The following NUP205 variants were observed in gnomAD, a reference collection of about 807,000 sequenced individuals.
NUP205 encodes the protein nucleoporin 205.
In NUP205, 76 loss-of-function variants were observed where a neutral mutation model predicts 253.8. That is an observed-to-expected ratio of 0.30 (90% confidence interval 0.25 to 0.36). The LOEUF (loss-of-function observed/expected upper bound fraction) is 0.36, where lower values mean the gene tolerates loss of function less well. Ranked by LOEUF, NUP205 falls within the 10% of genes least tolerant of loss-of-function variation. NUP205 has a pLI of 1.00. For missense variants in NUP205, 2,162 were observed against 2,425.5 expected, an observed-to-expected ratio of 0.89 and a Z score of 2.28; for synonymous variants, 832 against 850.1, an observed-to-expected ratio of 0.98 and a Z score of 0.37.
intron 25 of NUP205, 80 bp downstream of exon 25, chr7:135,616,806 C>A: frequency 1.2e-6 from 1 of 820,406 alleles, no homozygotes; most frequent in Non-Finnish European, 1.8e-6. Context: ...ATTATTATGC[C>A]TGTGCCTCCA....
Position 135,643,205 on chromosome 7 carries a change from A to G in NUP205, c.5406A>G (p.Pro1802=). ...CACCTCTATTAGATACCCAAGCTCC[A>G]GTGGTTCCATACTGGCGCCTGCCTG... The part of the protein sequence containing the change: ...RDGPRQDTQA[P]VVPYWRLPGL... Residue 1802 remains proline (P), a synonymous_variant, in exon 39 of 43, where the codon CCA becomes CCG. Coordinates refer to ENST00000285968, the MANE Select transcript of NUP205 (RefSeq NM_015135.3). 2 of 1,614,022 alleles carry G rather than the reference A, an allele frequency of 1.2e-6. No homozygotes were observed. Among genetic ancestry groups the G allele is most frequent in the African/African-American group, 1.3e-5 (1 of 75,062 alleles).
intron 34 of NUP205, among the ~76,000 whole-genome samples, chr7:135,629,805 G>A (rs1307917741): frequency 1.3e-5 from 2 of 152,128 alleles, no homozygotes; most frequent in East Asian, 3.9e-4. Context: ...GATTACAGGC[G>A]TGAGCCACCA....
intron 13 of NUP205, among the ~76,000 whole-genome samples, chr7:135,596,182 C>T (rs1469045402): frequency 2.0e-5 from 3 of 152,208 alleles, no homozygotes; most frequent in Non-Finnish European, 2.9e-5. Context: ...GATCCGCCTG[C>T]CTTGGCCTCC....
intron 4 of NUP205, 74 bp downstream of exon 4, chr7:135,576,488 T>G (rs1393516144): frequency 7.5e-7 from 1 of 1,327,670 alleles, no homozygotes. Flanking sequence ...CCTTATTATA[T>G]ACAATCTGAG....
chr7:135,576,313 A>G lies in NUP205; in HGVS notation c.387A>G (p.Leu129=). The G allele has an allele frequency of 2.5e-6, 4 of 1,613,800 alleles. No homozygotes were observed. Among genetic ancestry groups the G allele is most frequent in the Non-Finnish European group, 3.4e-6 (4 of 1,179,740 alleles). ...QPHFPGLTRG[L]VAVLLYWDGK... is the part of the protein sequence containing the mutation. Reference sequence around the variant, plus strand: ...ATTTTCCTGGCCTTACCAGAGGATTAGTAGCTGTTCTTCTGTACTGGGATG... The same window carrying G: ...ATTTTCCTGGCCTTACCAGAGGATTGGTAGCTGTTCTTCTGTACTGGGATG... Residue 129 remains leucine (L), a synonymous_variant, in exon 4 of 43, where the codon TTA becomes TTG. Transcript: ENST00000285968.
At chr7:135,579,006 A>C in intron 7 of NUP205, 91 bp downstream of exon 7, 1 of 956,498 alleles carries the variant, frequency 1.0e-6, no homozygotes, top group South Asian at 1.9e-5. Context: ...GACATACATA[A>C]GCATAAGCAT....
At chr7:135,565,260 T>C (rs1397109428) in intron 1 of NUP205, among the ~76,000 whole-genome samples, 3 of 152,178 alleles carry the variant, frequency 2.0e-5, no homozygotes, top group African/African-American at 2.4e-5. Context: ...CAGCACTTTA[T>C]CAGATTTCTG....
At chr7:135,621,654 G>T (rs991162846) in intron 30 of NUP205, among the ~76,000 whole-genome samples, 4 of 152,104 alleles carry the variant, frequency 2.6e-5, no homozygotes, top group African/African-American at 9.7e-5. Flanking sequence ...CCTAATCATT[G>T]TATAATGGTT....
At chr7:135,636,580 C>T (rs1365026392) in intron 36 of NUP205, among the ~76,000 whole-genome samples, 1 of 152,012 alleles carries the variant, frequency 6.6e-6, no homozygotes, top group Non-Finnish European at 1.5e-5. Context: ...AGGTGAGCTT[C>T]GGAAATGTTT....
At chr7:135,592,437 C>T (rs1455713784) in intron 11 of NUP205, among the ~76,000 whole-genome samples, 1 of 152,256 alleles carries the variant, frequency 6.6e-6, no homozygotes, top group East Asian at 1.9e-4. Context: ...ATTACCTTTA[C>T]ATTTACATGG....
intron 34 of NUP205, among the ~76,000 whole-genome samples, chr7:135,628,435 A>G (rs948399604): frequency 6.6e-6 from 1 of 152,186 alleles, no homozygotes; most frequent in Non-Finnish European, 1.5e-5. Flanking sequence ...CCAGGTATCT[A>G]TTGAGAGAGG....
rs777717965 is a variant in NUP205 at position 135,635,656 on chromosome 7, A to G, written c.5135A>G (p.Gln1712Arg). 4 of 1,549,514 alleles carry G rather than the reference A, an allele frequency of 2.6e-6. No homozygotes were observed. The highest frequency in any genetic ancestry group is 1.8e-6 in the Non-Finnish European group (2 of 1,126,006). The part of the protein sequence containing the change: ...MELQGHIGRF[Q>R]RQCLGLLSRF... ...CTACAGGGACATATTGGAAGATTCCAGGTAACTGATTCTTATTTCTTTAAA... is the reference window on the plus strand; with the variant it reads ...CTACAGGGACATATTGGAAGATTCCGGGTAACTGATTCTTATTTCTTTAAA... The change falls in exon 36 of 43, where the codon CAG becomes CGG. Residue 1712 changes from glutamine to arginine, a missense_variant and splice_region_variant. Physicochemically the swap from Gln to Arg is conservative, Grantham distance 43. Around this residue, in one of 5 missense-constraint regions of NUP205, gnomAD observed 1,144 missense variants for 1,280.9 expected, o/e 0.89. Transcript: ENST00000285968.
intron 2 of NUP205, among the ~76,000 whole-genome samples, chr7:135,571,873 A>G (rs1806006796): frequency 6.6e-6 from 1 of 152,166 alleles, no homozygotes; most frequent in African/African-American, 2.4e-5. Flanking sequence ...TTTCTTTTCT[A>G]GATATTTTTT....
At chr7:135,585,351 G>C (rs1806428753) in intron 8 of NUP205, among the ~76,000 whole-genome samples, 1 of 152,014 alleles carries the variant, frequency 6.6e-6, no homozygotes, top group Non-Finnish European at 1.5e-5. Context: ...TCTTAACTGG[G>C]GATAAGTCAG....
intron 13 of NUP205, 23 bp downstream of exon 13, chr7:135,594,752 T>G (rs531133089): frequency 6.4e-7 from 1 of 1,573,136 alleles, no homozygotes; most frequent in Admixed American, 1.8e-5. Context: ...AGTCCCTTAT[T>G]TATATTATCC....
rs373374070 is a variant in NUP205, at chr7:135,588,032, T to C, written c.1473+40T>C. 4.6e-6 allele frequency: 7 copies of C among 1,525,892 alleles called. No individual in the cohort carries two copies. The African/African-American group carries it at 8.4e-5, about 18-fold the overall frequency. 94.5% of individuals were successfully genotyped at this position (1,525,892 alleles called of 1,614,324 possible). A position where few individuals can be genotyped will look rare whatever the true frequency, so the allele number is the denominator to read the frequency against. On this transcript the variant is annotated intron_variant, in intron 10 of 42. Transcript: ENST00000285968. ...TTTCCTCTTTTATACTCTGGTACTGTGATAGAGAGTCTTGAAAACATGAAA... is the reference window on the plus strand; with the variant it reads ...TTTCCTCTTTTATACTCTGGTACTGCGATAGAGAGTCTTGAAAACATGAAA...
chr7:135,559,063 C>T lies in NUP205; in HGVS notation c.28+1091C>T, dbSNP rs373459705. On this transcript the variant is annotated intron_variant, in intron 1 of 42. Transcript: ENST00000285968. ...ATTATCGTGCTTATCTCATTCAGTT[C>T]CCGTTTATACACCTTTGGAGTAGTT... Among the ~76,000 whole-genome samples, 5 of 152,258 alleles carry T rather than the reference C, an allele frequency of 3.3e-5. No homozygotes were observed. In the South Asian group the frequency reaches 1.0e-3, roughly 32 times the overall value.
chr7:135,587,028 A>G (rs1187797378), intron 8 of NUP205, among the ~76,000 whole-genome samples: 1 of 149,410 alleles, frequency 6.7e-6, no homozygotes, highest in Non-Finnish European at 1.5e-5. Context: ...GATATTTCCA[A>G]CTGTAATTGT....
Position 135,619,580 on chromosome 7 carries a change from G to C in NUP205, c.4121G>C (p.Cys1374Ser), listed in dbSNP as rs747660142. The C allele has an allele frequency of 6.2e-7, 1 of 1,614,068 alleles. No individual in the cohort carries two copies. The highest frequency in any genetic ancestry group is 8.5e-7 in the Non-Finnish European group (1 of 1,180,016). Reference sequence around the variant, plus strand: ...CATTACGCTTTTATGCTTGATAGTTGCTTCACCTCACCTCCTCCTGAAGAG... The same window carrying C: ...CATTACGCTTTTATGCTTGATAGTTCCTTCACCTCACCTCCTCCTGAAGAG... ...EAHYAFMLDSCFTSPPPEENP... is the reference protein window; with the variant it reads ...EAHYAFMLDSSFTSPPPEENP... The change falls in exon 29 of 43, where the codon TGC (cysteine) becomes TCC (serine). Residue 1374 changes from cysteine (C) to serine (S), a missense_variant. By Grantham distance (112) the Cys-to-Ser change is moderately radical. Transcript: ENST00000285968.
Sources: gnomAD v4.1 joint callset for allele counts (sites outside exome capture counted in the v4.1 genomes callset) on GRCh38, gnomAD v4.1.1 for gene constraint, gnomAD v4.1.1 regional missense constraint, MANE v1.5 for transcripts, NCBI Gene and HGNC (gene_info 2026-07-23, HGNC 2026-07-21) for gene names.